REV1: variants seen among roughly 807,000 people sequenced by gnomAD.
REV1 encodes translesion synthesis protein REV1.
Under a neutral mutation model 137.4 loss-of-function variants are expected in REV1, and 42 were observed. The ratio of observed to expected loss-of-function variants is 0.31; its 90% CI spans 0.24 to 0.40. The LOEUF is 0.40. Ranked by LOEUF, REV1 falls within the 10% of genes least tolerant of loss-of-function variation. The probability of loss-of-function intolerance (pLI) is 1.00; values close to 1 mark genes in which losing one functional copy is unlikely to be tolerated. For synonymous variants in REV1, 524 were observed against 519.2 expected (o/e 1.01, Z -0.12); for missense variants, 1,282 against 1,490.1 (o/e 0.86, Z 2.30).
At chr2:99,468,237 A>C (rs1218435161) in intron 1 of REV1, among the ~76,000 whole-genome samples, 1 of 152,096 alleles carries the variant, frequency 6.6e-6, no homozygotes, top group African/African-American at 2.4e-5. Flanking sequence ...TGTTTCTGCT[A>C]ATCAGCAGGG....
chr2:99,480,628 A>G (rs1367184727), intron 1 of REV1, among the ~76,000 whole-genome samples: 2 of 152,214 alleles, frequency 1.3e-5, no homozygotes, highest in Non-Finnish European at 2.9e-5. Flanking sequence ...TAACTGGCAT[A>G]AACAATGACA....
rs766515088 is a variant in REV1 at position 99,403,066 on chromosome 2, T to C, written c.3207A>G (p.Lys1069=). The C allele has an allele frequency of 6.2e-7, 1 of 1,613,188 alleles. No homozygotes were observed. Among genetic ancestry groups the C allele is most frequent in the Non-Finnish European group, 8.5e-7 (1 of 1,179,614 alleles). ...NPLLHLKAAV[K]EKKRNKKKKT... is the part of the protein sequence containing the mutation. ...TTTTCTTCTTGTTTCTTTTCTTTTC[T>C]TTCACTGCTGCCTTTAGATGAAGTA... Residue 1069 remains lysine (K), a synonymous_variant, in exon 20 of 23, where the codon AAA becomes AAG. Transcript: ENST00000258428.
chr2:99,481,098 C>A (rs1686556122), intron 1 of REV1, among the ~76,000 whole-genome samples: 1 of 152,178 alleles, frequency 6.6e-6, no homozygotes, highest in Non-Finnish European at 1.5e-5. Context: ...AAATTCAAAA[C>A]AGCAATTAAG....
intron 8 of REV1, among the ~76,000 whole-genome samples, chr2:99,433,159 T>C (rs957832932): frequency 2.0e-5 from 3 of 152,144 alleles, no homozygotes; most frequent in Non-Finnish European, 4.4e-5. Flanking sequence ...ATCTGTTTAA[T>C]AGCACACAGA....
At chr2:99,449,819 A>G (rs1278941749) in intron 3 of REV1, among the ~76,000 whole-genome samples, 2 of 152,210 alleles carry the variant, frequency 1.3e-5, no homozygotes, top group African/African-American at 4.8e-5. Flanking sequence ...ATTTTTTACT[A>G]TACTTAGCAT....
At chr2:99,432,153 G>T (rs1440495786) in intron 8 of REV1, among the ~76,000 whole-genome samples, 9 of 152,116 alleles carry the variant, frequency 5.9e-5, no homozygotes, top group Non-Finnish European at 1.2e-4. Context: ...ACTGAGTACT[G>T]CTCAGGAAGC....
chr2:99,411,649 TCG>T (rs1677170076), intron 13 of REV1, among the ~76,000 whole-genome samples: 1 of 151,836 alleles, frequency 6.6e-6, no homozygotes, highest in African/African-American at 2.4e-5. Context: ...CCTCAGGTGA[TCG>T]GCCTGCCTCA....
intron 9 of REV1, among the ~76,000 whole-genome samples, chr2:99,426,912 G>A (rs569677469): frequency 7.2e-4 from 110 of 152,242 alleles, no homozygotes; most frequent in African/African-American, 2.6e-3. Flanking sequence ...GGCCGGGTGC[G>A]GTGGCTCACT....
Position 99,429,873 on chromosome 2 carries a change from C to T in REV1, c.1514G>A (p.Arg505Lys). ...ATAACTACAAGATGCAATTTCAGCC[C>T]TTGACAAAACAGAATCAATTCCATT... Reference protein sequence around the residue: ...QANGIDSVLSRAEIASCSYEA... With the variant: ...QANGIDSVLSKAEIASCSYEA... Residue 505 changes from arginine to lysine, a missense_variant, in exon 9 of 23, where the codon AGG (arginine) becomes AAG (lysine). Around this residue, in one of 7 missense-constraint regions of REV1, gnomAD observed 432 missense variants for 438.0 expected, o/e 0.99. Coordinates refer to ENST00000258428, the MANE Select transcript of REV1 (RefSeq NM_016316.4). 1 of 1,604,400 alleles carries T rather than the reference C, an allele frequency of 6.2e-7. No individual in the cohort carries two copies. Among genetic ancestry groups the T allele is most frequent in the Non-Finnish European group, 8.5e-7 (1 of 1,175,608 alleles).
intron 5 of REV1, among the ~76,000 whole-genome samples, chr2:99,439,738 T>G (rs546926234): frequency 1.4e-4 from 22 of 152,346 alleles, no homozygotes; most frequent in Middle Eastern, 3.4e-3. Flanking sequence ...TGAAGCACAG[T>G]GCTTGGCATT....
chr2:99,473,978 T>C (rs966095201), intron 1 of REV1, among the ~76,000 whole-genome samples: 5 of 152,250 alleles, frequency 3.3e-5, no homozygotes, highest in African/African-American at 1.2e-4. Flanking sequence ...TTTCTTGCTC[T>C]ATTTATAAAA....
intron 11 of REV1, among the ~76,000 whole-genome samples, chr2:99,420,547 A>G (rs1033447795): frequency 1.3e-5 from 2 of 152,174 alleles, no homozygotes; most frequent in Admixed American, 6.5e-5. Flanking sequence ...CCACTCCTTC[A>G]GCTTCTGTCT....
In REV1 at chr2:99,406,134, C is replaced by T; in HGVS notation, c.2615-28G>A. Reference sequence around the variant, plus strand: ...ACAAAAAGAAAATATATAAAATAGCCTCTTCAGATCATCGGGCAGGGCCTT... The same window carrying T: ...ACAAAAAGAAAATATATAAAATAGCTTCTTCAGATCATCGGGCAGGGCCTT... On this transcript the variant is annotated intron_variant, in intron 16 of 22. Transcript: ENST00000258428. The T allele has an allele frequency of 1.9e-6, 3 of 1,564,480 alleles. No homozygotes were observed. The South Asian group carries it at 3.6e-5, about 19-fold the overall frequency.
rs147467855 is a variant in REV1, at chr2:99,403,049, T to C, written c.3224A>G (p.Lys1075Arg). The change falls in exon 20 of 23, where the codon AAG (lysine) becomes AGG (arginine). Residue 1075 changes from lysine to arginine, a missense_variant. Lys to Arg is a conservative substitution (Grantham distance 26). Transcript: ENST00000258428. Reference sequence around the variant, plus strand: ...TGGTGAACCAATGGTTTTTTTCTTCTTGTTTCTTTTCTTTTCTTTCACTGC... The same window carrying C: ...TGGTGAACCAATGGTTTTTTTCTTCCTGTTTCTTTTCTTTTCTTTCACTGC... ...KAAVKEKKRNKKKKTIGSPKR... is the reference protein window; with the variant it reads ...KAAVKEKKRNRKKKTIGSPKR... 3 of 1,613,938 alleles carry C rather than the reference T, an allele frequency of 1.9e-6. No homozygotes were observed. Among genetic ancestry groups the C allele is most frequent in the Non-Finnish European group, 2.5e-6 (3 of 1,179,944 alleles).
chr2:99,453,892 CAAAAAAAAAAAA>C (rs58291328), intron 3 of REV1, among the ~76,000 whole-genome samples: 1 of 48,036 alleles, frequency 2.1e-5, no homozygotes, highest in African/African-American at 8.2e-5. Flanking sequence ...GGCTCTGTCT[CAAAAAAAAAAAA>C]AAAAAAAAAA....
chr2:99,443,087 G>T (rs2104872616), intron 4 of REV1, among the ~76,000 whole-genome samples: 1 of 152,226 alleles, frequency 6.6e-6, no homozygotes, highest in South Asian at 2.1e-4. Flanking sequence ...TTGTACTTCA[G>T]AACTAAAACT....
At chr2:99,471,959 G>T (rs1685472378) in intron 1 of REV1, among the ~76,000 whole-genome samples, 1 of 151,028 alleles carries the variant, frequency 6.6e-6, no homozygotes, top group African/African-American at 2.4e-5. Flanking sequence ...AGCCCTGTTG[G>T]TGGGAATATA....
rs924493303 is a variant in REV1 at position 99,486,720 on chromosome 2, T to A, written c.-11+3097A>T. 2.0e-5 allele frequency among the ~76,000 whole-genome samples: 3 copies of A among 152,308 alleles called. No homozygotes were observed. In the East Asian group the frequency reaches 5.8e-4, roughly 29 times the overall value. Reference sequence around the variant, plus strand: ...GGAGCCAGAGAATTCTGACCCTAGCTGTCTGATTCCAGAGCCAATATTTAA... The same window carrying A: ...GGAGCCAGAGAATTCTGACCCTAGCAGTCTGATTCCAGAGCCAATATTTAA... On this transcript the variant is annotated intron_variant, in intron 1 of 22. Transcript: ENST00000258428.
intron 12 of REV1, among the ~76,000 whole-genome samples, chr2:99,416,190 G>A (rs946805253): frequency 8.5e-5 from 13 of 152,212 alleles, no homozygotes; most frequent in African/African-American, 3.1e-4. Flanking sequence ...CCTCCAAAGC[G>A]TGTTCCACAA....
Sources: gnomAD v4.1 joint callset for allele counts (sites outside exome capture counted in the v4.1 genomes callset) on GRCh38, gnomAD v4.1.1 for gene constraint, gnomAD v4.1.1 regional missense constraint, MANE v1.5 for transcripts, NCBI Gene and HGNC (gene_info 2026-07-23, HGNC 2026-07-21) for gene names.